ROBO2: variants seen among roughly 807,000 people sequenced by gnomAD.
The protein encoded by ROBO2 is roundabout guidance receptor 2.
In ROBO2, 53 loss-of-function variants were observed where a neutral mutation model predicts 160.8. The observed-to-expected ratio is 0.33, with a 90% CI of 0.26 to 0.41. The LOEUF (loss-of-function observed/expected upper bound fraction) is 0.41, where lower values mean the gene tolerates loss of function less well. Among genes scored for constraint, ROBO2 ranks in the 10% least tolerant of loss-of-function variants. The pLI, the probability that ROBO2 is intolerant of heterozygous loss-of-function variation, is 1.00. For missense variants in ROBO2, 1,577 were observed against 1,722.4 expected (o/e 0.92, Z 1.49); for synonymous variants, 664 against 611.7 (o/e 1.09, Z -1.26).
intron 2 of ROBO2, among the ~76,000 whole-genome samples, chr3:76,798,070 C>A (rs1219283549): frequency 4.2e-5 from 6 of 142,674 alleles, no homozygotes; most frequent in Non-Finnish European, 1.5e-5. Context: ...GTCAGTATTA[C>A]CCTGATACCA....
At chr3:77,061,953 T>A (rs1481338164) in intron 1 of ROBO2, among the ~76,000 whole-genome samples, 1 of 152,002 alleles carries the variant, frequency 6.6e-6, no homozygotes, top group Non-Finnish European at 1.5e-5. Flanking sequence ...TGGTTCTTTC[T>A]TTTTTTTCCC....
At chr3:76,116,252 A>G (rs888690843) in intron 2 of ROBO2, among the ~76,000 whole-genome samples, 2 of 152,136 alleles carry the variant, frequency 1.3e-5, no homozygotes, top group Non-Finnish European at 2.9e-5. Context: ...GTATACCACA[A>G]AAGTGTCAGG....
At chr3:76,341,419 TA>T (rs71277587) in intron 2 of ROBO2, among the ~76,000 whole-genome samples, 668 of 44,246 alleles carry the variant, frequency 0.015, 3 homozygotes, top group Middle Eastern at 0.054. Context: ...TTTTAAAGCG[TA>T]AAAAAAAAAA....
intron 2 of ROBO2, among the ~76,000 whole-genome samples, chr3:76,442,300 T>C (rs2109131860): frequency 6.6e-6 from 1 of 152,286 alleles, no homozygotes; most frequent in East Asian, 1.9e-4. Context: ...TCCCTCCATA[T>C]CCTAATTTAA....
intron 2 of ROBO2, among the ~76,000 whole-genome samples, chr3:76,378,311 T>C (rs1403226293): frequency 6.6e-6 from 1 of 152,140 alleles, no homozygotes; most frequent in African/African-American, 2.4e-5. Flanking sequence ...ATTTCAAATG[T>C]TGTAGGACTT....
intron 2 of ROBO2, among the ~76,000 whole-genome samples, chr3:76,099,704 T>A (rs1355497863): frequency 6.6e-6 from 1 of 152,198 alleles, no homozygotes; most frequent in South Asian, 2.1e-4. Context: ...AATTTCTGAT[T>A]TTTTTCTCTA....
At chr3:76,585,658 G>A (rs904750925) in intron 2 of ROBO2, among the ~76,000 whole-genome samples, 24 of 152,122 alleles carry the variant, frequency 1.6e-4, no homozygotes, top group African/African-American at 4.8e-4. Context: ...AAAACATGTT[G>A]TTATTAAGAA....
At chr3:76,439,139 T>TA (rs1213569689) in intron 2 of ROBO2, among the ~76,000 whole-genome samples, 2 of 152,200 alleles carry the variant, frequency 1.3e-5, no homozygotes, top group Non-Finnish European at 2.9e-5. Flanking sequence ...CTTATCCACT[T>TA]ACTCATCTAG....
intron 2 of ROBO2, among the ~76,000 whole-genome samples, chr3:77,387,462 G>A (rs1366710880): frequency 6.6e-6 from 1 of 152,042 alleles, no homozygotes; most frequent in Non-Finnish European, 1.5e-5. Context: ...TAGGTCGCTT[G>A]ACCTACACCC....
chr3:76,743,819 G>T (rs1354209051), intron 2 of ROBO2, among the ~76,000 whole-genome samples: 1 of 151,918 alleles, frequency 6.6e-6, no homozygotes, highest in Non-Finnish European at 1.5e-5. Flanking sequence ...TAAAATGAGG[G>T]AGAGGGAAAA....
At chr3:76,947,683 A>G (rs2078652847) in intron 2 of ROBO2, among the ~76,000 whole-genome samples, 1 of 149,724 alleles carries the variant, frequency 6.7e-6, no homozygotes, top group Non-Finnish European at 1.5e-5. Flanking sequence ...TAACAATTTC[A>G]AATTCCTGCA....
At chr3:76,820,331 A>G (rs2066011453) in intron 2 of ROBO2, among the ~76,000 whole-genome samples, 1 of 152,098 alleles carries the variant, frequency 6.6e-6, no homozygotes, top group African/African-American at 2.4e-5. Flanking sequence ...TCAATAGGAA[A>G]TAACTTTCTA....
chr3:76,833,080 G>T (rs559107811), intron 2 of ROBO2, among the ~76,000 whole-genome samples: 1 of 152,244 alleles, frequency 6.6e-6, no homozygotes, highest in South Asian at 2.1e-4. Context: ...GCCAAAGTCA[G>T]TTTCAAGGTC....
intron 2 of ROBO2, among the ~76,000 whole-genome samples, chr3:77,014,676 C>A (rs758939439): frequency 2.2e-4 from 33 of 152,136 alleles, no homozygotes; most frequent in Non-Finnish European, 3.5e-4. Context: ...AGGGAATGAA[C>A]AATCAGGAGT....
intron 2 of ROBO2, among the ~76,000 whole-genome samples, chr3:76,032,711 G>A (rs1354318551): frequency 6.6e-6 from 1 of 152,094 alleles, no homozygotes; most frequent in Non-Finnish European, 1.5e-5. Flanking sequence ...ATTGCATTGT[G>A]GTCTTAGAGA....
chr3:77,403,597 TG>T (rs2153514415), intron 2 of ROBO2, among the ~76,000 whole-genome samples: 1 of 90,842 alleles, frequency 1.1e-5, no homozygotes, highest in East Asian at 3.8e-4. Context: ...TGTGTGTGTG[TG>T]TGTGTGTGTG....
chr3:77,519,292 C>A (rs569146748), intron 5 of ROBO2, among the ~76,000 whole-genome samples: 6 of 151,386 alleles, frequency 4.0e-5, no homozygotes, highest in Non-Finnish European at 5.9e-5. Context: ...AGATTTCAGA[C>A]TTAGTTTGGG....
At chr3:77,426,253 T>C (rs1304131409) in intron 2 of ROBO2, among the ~76,000 whole-genome samples, 1 of 152,008 alleles carries the variant, frequency 6.6e-6, no homozygotes, top group East Asian at 1.9e-4. Context: ...CTTCATGATG[T>C]GTGGGAAAGA....
chr3:76,334,628 A>G (rs2073740980), intron 2 of ROBO2, among the ~76,000 whole-genome samples: 1 of 152,138 alleles, frequency 6.6e-6, no homozygotes, highest in Admixed American at 6.5e-5. Flanking sequence ...GAATGTATCA[A>G]TCCGTGCCCA....
Sources: allele counts gnomAD v4.1 joint callset (sites outside exome capture counted in the v4.1 genomes callset), GRCh38; gene constraint gnomAD v4.1.1; transcripts MANE v1.5; gene names NCBI Gene and HGNC (gene_info 2026-07-23, HGNC 2026-07-21).